RORA: variants seen among roughly 807,000 people sequenced by gnomAD.
RORA encodes the protein RAR related orphan receptor A.
RORA carries 7 observed loss-of-function variants against 69.5 expected under a neutral mutation model. That is an observed-to-expected ratio of 0.10 (90% confidence interval 0.06 to 0.19). RORA has a LOEUF of 0.19. RORA is among the 10% of genes least tolerant of loss of function. The probability of loss-of-function intolerance (pLI) is 1.00; values close to 1 mark genes in which losing one functional copy is unlikely to be tolerated. For synonymous variants in RORA, 261 were observed against 240.8 expected (o/e 1.08, Z -0.78); for missense variants, 457 against 663.0 (o/e 0.69, Z 3.41).
At chr15:60,616,858 C>G (rs914561889) in intron 2 of RORA, among the ~76,000 whole-genome samples, 9 of 152,284 alleles carry the variant, frequency 5.9e-5, no homozygotes, top group African/African-American at 1.2e-4. Flanking sequence ...CTCAAAACCC[C>G]CCTTGTTCTC....
Position 60,674,025 on chromosome 15 carries a change from G to A in RORA, c.196+4632C>T, listed in dbSNP as rs566888799. On this transcript the variant is annotated intron_variant, in intron 2 of 10. Coordinates refer to ENST00000335670, the MANE Select transcript of RORA (RefSeq NM_134261.3). Reference sequence around the variant, plus strand: ...TTTGTCAATGGGCAGACAGGATCTGGATGAAGGCCTACTAAAAGAACTTCA... The same window carrying A: ...TTTGTCAATGGGCAGACAGGATCTGAATGAAGGCCTACTAAAAGAACTTCA... Among the ~76,000 whole-genome samples the A allele has an allele frequency of 1.3e-4, 20 of 152,174 alleles. No individual in the cohort carries two copies. The East Asian group carries it at 3.7e-3, about 28-fold the overall frequency.
At chr15:60,614,010 T>C (rs1462736400) in intron 2 of RORA, among the ~76,000 whole-genome samples, 2 of 151,790 alleles carry the variant, frequency 1.3e-5, no homozygotes. Context: ...ATGACATACA[T>C]ATATGATAAA....
chr15:60,497,468 T>A lies in RORA; in HGVS notation c.1559A>T (p.Gln520Leu). Residue 520 changes from glutamine to leucine, a missense_variant, in exon 11 of 11, where the codon CAA (glutamine) becomes CTA (leucine). Transcript: ENST00000335670. Reference sequence around the variant, plus strand: ...AGGTGATAACATTTACCCATCAATTTGCATTGCTGGCTCAAATTCTGAAGT... The same window carrying A: ...AGGTGATAACATTTACCCATCAATTAGCATTGCTGGCTCAAATTCTGAAGT... ...LFTSEFEPAM[Q>L]IDG is the part of the protein sequence containing the mutation. 1 of 1,613,982 alleles carries A rather than the reference T, an allele frequency of 6.2e-7. No homozygotes were observed. The highest frequency in any genetic ancestry group is 8.5e-7 in the Non-Finnish European group (1 of 1,179,874).
intron 1 of RORA, among the ~76,000 whole-genome samples, chr15:60,949,436 C>T (rs1893012232): frequency 1.3e-5 from 2 of 152,214 alleles, no homozygotes; most frequent in Non-Finnish European, 2.9e-5. Context: ...TCCCTCCCCA[C>T]TCCATTCAGC....
intron 1 of RORA, among the ~76,000 whole-genome samples, chr15:60,846,569 G>T (rs1247295527): frequency 6.6e-6 from 1 of 152,174 alleles, no homozygotes; most frequent in South Asian, 2.1e-4. Context: ...TGACTGAAGC[G>T]CTAAAGCACC....
chr15:60,583,423 T>C (rs1365893108), intron 2 of RORA, among the ~76,000 whole-genome samples: 1 of 152,250 alleles, frequency 6.6e-6, no homozygotes, highest in Admixed American at 6.5e-5. Context: ...CCTTGACTTC[T>C]GCAGTAAGAC....
At chr15:60,559,908 G>GT (rs889308835) in intron 2 of RORA, among the ~76,000 whole-genome samples, 10 of 151,984 alleles carry the variant, frequency 6.6e-5, no homozygotes, top group African/African-American at 1.2e-4. Context: ...TTTAGCCACT[G>GT]TTTTTTTTCC....
At chr15:61,043,713 A>C (rs1896891428) in intron 1 of RORA, among the ~76,000 whole-genome samples, 1 of 152,214 alleles carries the variant, frequency 6.6e-6, no homozygotes, top group Non-Finnish European at 1.5e-5. Context: ...TAATATACTT[A>C]TAAAAGCACA....
chr15:60,673,923 A>T (rs2070512597), intron 2 of RORA, among the ~76,000 whole-genome samples: 1 of 152,232 alleles, frequency 6.6e-6, no homozygotes, highest in African/African-American at 2.4e-5. Flanking sequence ...TGTCTGAGAT[A>T]GCTGGTAGCC....
rs920622181 is a variant in RORA at position 61,157,116 on chromosome 15, A to G, written c.166+71937T>C. On this transcript the variant is annotated intron_variant, in intron 1 of 10. Transcript: ENST00000335670. Reference sequence around the variant, plus strand: ...ATTTAATTAAGGTAGCACACGGCACATGGTAGGTACTTAGTAAATGTTCGC... The same window carrying G: ...ATTTAATTAAGGTAGCACACGGCACGTGGTAGGTACTTAGTAAATGTTCGC... Among the ~76,000 whole-genome samples the G allele has an allele frequency of 2.6e-5, 4 of 152,362 alleles. No individual in the cohort carries two copies. In the South Asian group the frequency reaches 8.3e-4, roughly 32 times the overall value.
rs781576447 is a variant in RORA at position 60,497,411 on chromosome 15, A to ATGTT, written c.*40_*43dup. 2.2e-5 allele frequency: 35 copies of ATGTT among 1,581,640 alleles called. No individual in the cohort carries two copies. In the African/African-American group the frequency reaches 4.1e-4, roughly 18 times the overall value. On this transcript the variant is annotated 3_prime_UTR_variant, in exon 11 of 11. Coordinates refer to ENST00000335670, the MANE Select transcript of RORA (RefSeq NM_134261.3). ...CGGTTAATTTTTTTGTTTGTTTTTC[A>ATGTT]TGTTTGTACTTCAGACATTCTAGAA...
intron 1 of RORA, among the ~76,000 whole-genome samples, chr15:61,081,068 A>G (rs949104363): frequency 2.0e-5 from 3 of 152,338 alleles, no homozygotes; most frequent in Middle Eastern, 3.4e-3. Context: ...TCCAATCTTC[A>G]AAGTACCTCG....
At chr15:60,859,841 C>T (rs1024375436) in intron 1 of RORA, among the ~76,000 whole-genome samples, 1 of 152,024 alleles carries the variant, frequency 6.6e-6, no homozygotes, top group East Asian at 1.9e-4. Context: ...TGCTGAATTT[C>T]TCTCTCCTCC....
At chr15:60,765,686 A>T (rs921376842) in intron 1 of RORA, 1 of 152,152 alleles carries the variant, frequency 6.6e-6, no homozygotes, top group Non-Finnish European at 1.5e-5. Flanking sequence ...CTGCCAGTAC[A>T]TTGGCACCTC....
At chr15:60,821,847 C>A (rs1412946471) in intron 1 of RORA, among the ~76,000 whole-genome samples, 3 of 152,150 alleles carry the variant, frequency 2.0e-5, no homozygotes, top group Non-Finnish European at 4.4e-5. Flanking sequence ...AGCAATGAGG[C>A]CAAAGGGTTT....
Position 61,226,274 on chromosome 15 carries a change from A to G in RORA, c.166+2779T>C, listed in dbSNP as rs1002661840. Among the ~76,000 whole-genome samples, 2 of 152,152 alleles carry G rather than the reference A, an allele frequency of 1.3e-5. No homozygotes were observed. Among genetic ancestry groups the G allele is most frequent in the African/African-American group, 4.8e-5 (2 of 41,426 alleles). On this transcript the variant is annotated intron_variant, in intron 1 of 10. Coordinates refer to ENST00000335670, the MANE Select transcript of RORA (RefSeq NM_134261.3). This position sits in a 1 kb window ranked among gnomAD's most constrained non-coding sequence, Gnocchi z 4.2. ...ATCAGAAAGCTTCCCATTTCACCCA[A>G]TGCCAAGAACTCCACTCCACCCTCC...
chr15:61,032,689 C>T (rs568312691), intron 1 of RORA, among the ~76,000 whole-genome samples: 2 of 152,254 alleles, frequency 1.3e-5, no homozygotes, highest in Admixed American at 6.5e-5. Context: ...TTTTCTAACA[C>T]AGCCCAGACA....
At chr15:60,560,388 TA>T (rs1341606626) in intron 2 of RORA, among the ~76,000 whole-genome samples, 2 of 152,238 alleles carry the variant, frequency 1.3e-5, no homozygotes, top group South Asian at 4.2e-4. Context: ...CTGTTTTTGT[TA>T]TGCTTATGCT....
At chr15:61,044,347 G>A (rs370371229) in intron 1 of RORA, among the ~76,000 whole-genome samples, 7 of 152,040 alleles carry the variant, frequency 4.6e-5, no homozygotes, top group South Asian at 2.1e-4. Context: ...GTCACCTTCC[G>A]CTCCTCTCAG....
Sources: gnomAD v4.1 joint callset for allele counts (sites outside exome capture counted in the v4.1 genomes callset) on GRCh38, gnomAD v4.1.1 for gene constraint, Gnocchi (gnomAD v3.1) non-coding constraint, MANE v1.5 for transcripts, NCBI Gene and HGNC (gene_info 2026-07-23, HGNC 2026-07-21) for gene names.